CDH18: variants seen among roughly 807,000 people sequenced by gnomAD.
CDH18 encodes cadherin 18, also known as cadherin-18.
In CDH18, 31 loss-of-function variants were observed where a neutral mutation model predicts 67.9. The observed-to-expected ratio is 0.46, with a 90% CI of 0.34 to 0.62. The LOEUF is 0.62. CDH18 is among the 20% of genes least tolerant of loss of function. CDH18 has a pLI of 0.01. For synonymous variants in CDH18, 362 were observed against 347.2 expected (o/e 1.04, Z -0.48); for missense variants, 890 against 975.5 (o/e 0.91, Z 1.17).
intron 1 of CDH18, among the ~76,000 whole-genome samples, chr5:20,455,414 G>A (rs1409762628): frequency 2.0e-5 from 3 of 152,046 alleles, no homozygotes; most frequent in Non-Finnish European, 4.4e-5. Flanking sequence ...AGACAGATTA[G>A]GTGATTATAA....
At chr5:19,515,535 G>A (rs1156937661) in intron 10 of CDH18, among the ~76,000 whole-genome samples, 1 of 152,108 alleles carries the variant, frequency 6.6e-6, no homozygotes, top group East Asian at 1.9e-4. Context: ...GCAGTGGTTG[G>A]TTTGCAGTTC....
chr5:19,477,497 T>G (rs1208220541), intron 12 of CDH18, among the ~76,000 whole-genome samples: 1 of 152,066 alleles, frequency 6.6e-6, no homozygotes, highest in Non-Finnish European at 1.5e-5. Flanking sequence ...TTTAAGATAT[T>G]TTTTAAAAAT....
At chr5:19,939,902 A>G (rs555217170) in intron 2 of CDH18, among the ~76,000 whole-genome samples, 3 of 152,036 alleles carry the variant, frequency 2.0e-5, no homozygotes, top group African/African-American at 7.2e-5. Flanking sequence ...GAGGTAATAG[A>G]TAAGAATCCA....
At chr5:19,509,851 C>T (rs1177746495) in intron 10 of CDH18, among the ~76,000 whole-genome samples, 2 of 151,996 alleles carry the variant, frequency 1.3e-5, no homozygotes, top group African/African-American at 4.8e-5. Context: ...TGCATGCATG[C>T]CTTTCTTTTT....
At chr5:19,966,427 C>A (rs1488009343) in intron 2 of CDH18, among the ~76,000 whole-genome samples, 2 of 152,124 alleles carry the variant, frequency 1.3e-5, no homozygotes, top group East Asian at 1.9e-4. Flanking sequence ...TTATCACATT[C>A]AATGTTATAT....
At chr5:19,594,377 T>C (rs984247691) in intron 6 of CDH18, among the ~76,000 whole-genome samples, 1 of 152,114 alleles carries the variant, frequency 6.6e-6, no homozygotes, top group Non-Finnish European at 1.5e-5. Context: ...GGTCTTGAAC[T>C]CCTGACCTCG....
At chr5:20,166,816 T>C (rs1210156036) in intron 2 of CDH18, among the ~76,000 whole-genome samples, 3 of 152,156 alleles carry the variant, frequency 2.0e-5, no homozygotes, top group Non-Finnish European at 4.4e-5. Context: ...AGACACCCAC[T>C]CCGTTGTCCT....
chr5:20,068,214 C>G (rs563306141), intron 2 of CDH18, among the ~76,000 whole-genome samples: 8 of 152,038 alleles, frequency 5.3e-5, no homozygotes, highest in Non-Finnish European at 8.8e-5. Flanking sequence ...TTGTTCTTTA[C>G]AGAAAACTTT....
intron 2 of CDH18, among the ~76,000 whole-genome samples, chr5:19,995,618 A>C (rs1336307240): frequency 6.6e-6 from 1 of 151,928 alleles, no homozygotes; most frequent in African/African-American, 2.4e-5. Flanking sequence ...AAAAAAAAAA[A>C]AAAAACTTTA....
intron 11 of CDH18, among the ~76,000 whole-genome samples, chr5:19,489,961 G>C (rs1741125258): frequency 1.3e-5 from 2 of 152,000 alleles, no homozygotes; most frequent in African/African-American, 4.8e-5. Flanking sequence ...AATAACTGCA[G>C]AAGTAGAGAT....
At chr5:19,533,225 T>C (rs369822378) in intron 9 of CDH18, among the ~76,000 whole-genome samples, 7 of 152,320 alleles carry the variant, frequency 4.6e-5, no homozygotes, top group Admixed American at 6.5e-5. Context: ...AAGGATATTA[T>C]GTCCGTAAGC....
In CDH18 at chr5:20,225,089, C is replaced by T. The variant is rs6887992; in HGVS notation, c.-518+30355G>A. Among the ~76,000 whole-genome samples, 1,281 of 152,162 alleles carry T rather than the reference C, an allele frequency of 8.4e-3. 19 individuals are homozygous for T. Among genetic ancestry groups the T allele is most frequent in the South Asian group, 0.027 (132 of 4,820 alleles). On this transcript the variant is annotated intron_variant, in intron 2 of 14. Coordinates refer to the CDH18 transcript ENST00000507958. ...CTTCTGCTGTTTGGATAGCTCTTTT[C>T]GTCATTTTCTTCAGATCACTCTTCA...
At chr5:20,143,706 G>T (rs1185309052) in intron 2 of CDH18, among the ~76,000 whole-genome samples, 1 of 152,276 alleles carries the variant, frequency 6.6e-6, no homozygotes, top group South Asian at 2.1e-4. Flanking sequence ...AAGGCATGGT[G>T]TGGTTTCTAC....
intron 2 of CDH18, among the ~76,000 whole-genome samples, chr5:19,929,624 A>T (rs1793461652): frequency 6.6e-6 from 1 of 152,024 alleles, no homozygotes; most frequent in African/African-American, 2.4e-5. Context: ...AATATACAGA[A>T]ATCCAGAATT....
intron 2 of CDH18, among the ~76,000 whole-genome samples, chr5:20,006,004 A>G (rs897348914): frequency 6.6e-6 from 1 of 152,028 alleles, no homozygotes; most frequent in Non-Finnish European, 1.5e-5. Context: ...TCCTTTTGAT[A>G]AAGTCAGAAA....
chr5:20,033,345 C>A (rs1238042497), intron 2 of CDH18, among the ~76,000 whole-genome samples: 1 of 151,924 alleles, frequency 6.6e-6, no homozygotes, highest in Non-Finnish European at 1.5e-5. Context: ...CAGGTATGAC[C>A]CTTATCAAAC....
At chr5:20,112,671 G>A (rs888988267) in intron 2 of CDH18, among the ~76,000 whole-genome samples, 3 of 152,000 alleles carry the variant, frequency 2.0e-5, no homozygotes, top group Admixed American at 1.3e-4. Context: ...CTGAGATCAC[G>A]CCACTGCACT....
At chr5:20,436,165 A>C (rs1749151829) in intron 1 of CDH18, among the ~76,000 whole-genome samples, 1 of 151,990 alleles carries the variant, frequency 6.6e-6, no homozygotes, top group African/African-American at 2.4e-5. Context: ...AGCCCAGGGG[A>C]AGAAAATAAT....
In CDH18 at chr5:19,473,591, C is replaced by A. The variant is rs1429028697; in HGVS notation, c.2008G>T (p.Ala670Ser). The A allele has an allele frequency of 6.2e-7, 1 of 1,613,840 alleles. No homozygotes were observed. The highest frequency in any genetic ancestry group is 8.5e-7 in the Non-Finnish European group (1 of 1,179,852). The change falls in exon 13 of 13, where the codon GCC (alanine) becomes TCC (serine). Residue 670 changes from alanine (A) to serine (S), a missense_variant. This residue lies in a region of CDH18 where 656 missense variants were observed against 668.1 expected (regional missense o/e 0.98). Transcript: ENST00000382275. ...DEGGGEEDTE[A>S]FDITALRNPS... ...TTCCTCAAGGCTGTGATGTCAAAGGCCTCTGTGTCTTCCTCTCCGCCTCCT... is the reference window on the plus strand; with the variant it reads ...TTCCTCAAGGCTGTGATGTCAAAGGACTCTGTGTCTTCCTCTCCGCCTCCT...
Sources: allele counts gnomAD v4.1 joint callset (sites outside exome capture counted in the v4.1 genomes callset), GRCh38; gene constraint gnomAD v4.1.1; regional missense constraint gnomAD v4.1.1; transcripts MANE v1.5; gene names NCBI Gene and HGNC (gene_info 2026-07-23, HGNC 2026-07-21).